LRMDA: variants seen among roughly 807,000 people sequenced by gnomAD.
LRMDA encodes leucine rich melanocyte differentiation associated.
LRMDA carries 18 observed loss-of-function variants against 29.8 expected under a neutral mutation model. That is an observed-to-expected ratio of 0.60 (90% confidence interval 0.42 to 0.90). LRMDA has a LOEUF of 0.90. LRMDA is among the 40% of genes least tolerant of loss of function. LRMDA has a pLI of 0.00. For synonymous variants in LRMDA, 125 were observed against 109.4 expected (o/e 1.14, Z -0.89); for missense variants, 273 against 273.9 (o/e 1.00, Z 0.02).
chr10:76,377,027 A>G (rs989745519), intron 6 of LRMDA, among the ~76,000 whole-genome samples: 4 of 151,506 alleles, frequency 2.6e-5, no homozygotes, highest in African/African-American at 9.7e-5. Flanking sequence ...CTGGGACTAC[A>G]AGTGCCTGCC....
At chr10:76,379,373 T>C (rs1325918194) in intron 6 of LRMDA, among the ~76,000 whole-genome samples, 1 of 152,148 alleles carries the variant, frequency 6.6e-6, no homozygotes, top group Non-Finnish European at 1.5e-5. Flanking sequence ...TTTGTGATTG[T>C]TAGGAGATTT....
chr10:75,629,906 G>A (rs2132112101), intron 2 of LRMDA, among the ~76,000 whole-genome samples: 1 of 152,270 alleles, frequency 6.6e-6, no homozygotes, highest in Middle Eastern at 3.4e-3. Context: ...AAACTTTCAA[G>A]GCCTGAATCA....
intron 5 of LRMDA, among the ~76,000 whole-genome samples, chr10:76,165,812 C>T (rs931471289): frequency 4.6e-5 from 7 of 152,152 alleles, no homozygotes; most frequent in Non-Finnish European, 8.8e-5. Context: ...ACCAAGTCCC[C>T]CCCACAACAC....
chr10:76,044,311 A>T (rs1848391375), intron 3 of LRMDA, among the ~76,000 whole-genome samples: 1 of 152,096 alleles, frequency 6.6e-6, no homozygotes, highest in Non-Finnish European at 1.5e-5. Flanking sequence ...TACCTGAATG[A>T]CACCATCCAG....
chr10:75,994,622 C>T (rs1447244376), intron 2 of LRMDA, among the ~76,000 whole-genome samples: 1 of 152,174 alleles, frequency 6.6e-6, no homozygotes, highest in East Asian at 1.9e-4. Context: ...AAGAAAATCG[C>T]GCTCACCTCT....
chr10:75,494,596 G>A (rs1001877960), intron 2 of LRMDA, among the ~76,000 whole-genome samples: 1 of 141,924 alleles, frequency 7.0e-6, no homozygotes, highest in African/African-American at 2.6e-5. Context: ...CGCCTCCTGG[G>A]TTCAAGAGAT....
intron 2 of LRMDA, among the ~76,000 whole-genome samples, chr10:75,956,855 C>G (rs1404553501): frequency 6.6e-6 from 1 of 152,160 alleles, no homozygotes; most frequent in African/African-American, 2.4e-5. Flanking sequence ...ATGGCTTCAC[C>G]CAGCTGCAAG....
At chr10:75,603,122 A>C (rs1236676588) in intron 2 of LRMDA, among the ~76,000 whole-genome samples, 2 of 152,136 alleles carry the variant, frequency 1.3e-5, no homozygotes, top group African/African-American at 4.8e-5. Context: ...GCTTAATAGC[A>C]ATGGCTTATA....
In LRMDA at chr10:76,090,857, GGA is replaced by G. The variant is rs552134646; in HGVS notation, c.516+32076_516+32077del. Reference sequence around the variant, plus strand: ...AGGGGCTGGGAAGAGAAGGAAATGGGGAGTTATTGTTTCACATGTACAGAGTT... The same window carrying G: ...AGGGGCTGGGAAGAGAAGGAAATGGGGTTATTGTTTCACATGTACAGAGTT... On this transcript the variant is annotated intron_variant, in intron 5 of 6. Coordinates refer to ENST00000611255, the MANE Select transcript of LRMDA (RefSeq NM_001305581.2). 2.0e-3 allele frequency among the ~76,000 whole-genome samples: 305 copies of G among 152,278 alleles called. 3 individuals are homozygous for G. Among genetic ancestry groups the G allele is most frequent in the Admixed American group, 0.01 (153 of 15,292 alleles).
At chr10:76,211,525 G>T (rs185993493) in intron 5 of LRMDA, among the ~76,000 whole-genome samples, 2 of 152,214 alleles carry the variant, frequency 1.3e-5, no homozygotes, top group African/African-American at 4.8e-5. Context: ...TAGCCAGAGA[G>T]AATTCAGTTG....
At chr10:75,904,423 C>T (rs1441522098) in intron 2 of LRMDA, among the ~76,000 whole-genome samples, 1 of 152,140 alleles carries the variant, frequency 6.6e-6, no homozygotes, top group Admixed American at 6.5e-5. Context: ...GGAGAATTTT[C>T]CCCCTGGTTT....
chr10:76,283,031 A>G (rs1840225958), intron 5 of LRMDA, among the ~76,000 whole-genome samples: 1 of 152,210 alleles, frequency 6.6e-6, no homozygotes, highest in Non-Finnish European at 1.5e-5. Context: ...ACTGTGGAGC[A>G]CATAATGGAA....
chr10:76,490,660 C>T (rs1417666062), intron 6 of LRMDA, among the ~76,000 whole-genome samples: 1 of 151,896 alleles, frequency 6.6e-6, no homozygotes, highest in African/African-American at 2.4e-5. Flanking sequence ...AATTTTCAGT[C>T]TATGTATGTC....
chr10:75,944,723 TAC>T (rs1846449119), intron 2 of LRMDA, among the ~76,000 whole-genome samples: 2 of 149,188 alleles, frequency 1.3e-5, no homozygotes, highest in African/African-American at 4.9e-5. Context: ...TCTGTGTATA[TAC>T]ACATATATAT....
chr10:75,666,483 C>T (rs1308833334), intron 2 of LRMDA, among the ~76,000 whole-genome samples: 3 of 151,640 alleles, frequency 2.0e-5, no homozygotes, highest in Admixed American at 2.0e-4. Flanking sequence ...TATATGACCA[C>T]AGGATTTCAG....
At chr10:75,597,170 C>A (rs1564518651) in intron 2 of LRMDA, among the ~76,000 whole-genome samples, 1 of 152,128 alleles carries the variant, frequency 6.6e-6, no homozygotes, top group African/African-American at 2.4e-5. Flanking sequence ...ATTCTCAACT[C>A]CAGTCCTTCT....
At position 76,543,298 on chromosome 10, in the gene LRMDA, G is replaced by C. The variant is rs1409108283; in HGVS notation, c.602-13911G>C. Among the ~76,000 whole-genome samples the C allele has an allele frequency of 2.0e-5, 3 of 148,120 alleles. No homozygotes were observed. The South Asian group carries it at 6.6e-4, about 32-fold the overall frequency. ...ATTGCCCCCATGATTGGAGAATTTA[G>C]TTGTTATTGGGGTGTGCCTGTGTGT... is the stretch of plus-strand genomic sequence containing the variant. On this transcript the variant is annotated intron_variant, in intron 6 of 6. Transcript: ENST00000611255.
chr10:75,961,472 G>A (rs1037354466), intron 2 of LRMDA, among the ~76,000 whole-genome samples: 2 of 152,204 alleles, frequency 1.3e-5, no homozygotes, highest in African/African-American at 4.8e-5. Flanking sequence ...CCAGGTTAGA[G>A]TATGAACATG....
At chr10:76,435,165 CT>C (rs1482274616) in intron 6 of LRMDA, among the ~76,000 whole-genome samples, 1 of 152,174 alleles carries the variant, frequency 6.6e-6, no homozygotes, top group Non-Finnish European at 1.5e-5. Flanking sequence ...GAATATATCA[CT>C]TGCAAAGGAG....
Sources: gnomAD v4.1 joint callset for allele counts (sites outside exome capture counted in the v4.1 genomes callset) on GRCh38, gnomAD v4.1.1 for gene constraint, MANE v1.5 for transcripts, NCBI Gene and HGNC (gene_info 2026-07-23, HGNC 2026-07-21) for gene names.